RNF213: variants seen among roughly 807,000 people sequenced by gnomAD.
RNF213 encodes the protein ring finger protein 213, also known as E3 ubiquitin-protein ligase RNF213.
A neutral mutation model predicts 514.4 loss-of-function variants in RNF213; 341 were observed. That is an observed-to-expected ratio of 0.66 (90% CI 0.61 to 0.73). The LOEUF (loss-of-function observed/expected upper bound fraction) is 0.73, where lower values mean the gene tolerates loss of function less well. Among genes scored for constraint, RNF213 ranks in the 30% least tolerant of loss-of-function variants. The probability of loss-of-function intolerance (pLI) is 0.00; values close to 1 mark genes in which losing one functional copy is unlikely to be tolerated. For synonymous variants in RNF213, 2,655 were observed against 2,658.2 expected (o/e 1.00, Z 0.04); for missense variants, 5,767 against 6,615.6 (o/e 0.87, Z 4.45).
chr17:80,300,338 C>T lies in RNF213; in HGVS notation c.2210+1820C>T, dbSNP rs149718951. ...GGAGTGCAGTGGTGTGATCTCAGCT[C>T]ACTGCAGCCTCTGCCTCCTCGGCAC... is the stretch of plus-strand genomic sequence containing the variant. On this transcript the variant is annotated intron_variant, in intron 11 of 67. Coordinates refer to ENST00000582970, the MANE Select transcript of RNF213 (RefSeq NM_001256071.3). Among the ~76,000 whole-genome samples the T allele has an allele frequency of 3.9e-3, 589 of 151,916 alleles. 4 individuals are homozygous for T. Among genetic ancestry groups the T allele is most frequent in the African/African-American group, 0.014 (562 of 41,430 alleles).
At chr17:80,315,387 A>G (rs149295002) in intron 15 of RNF213, among the ~76,000 whole-genome samples, 22 of 360 alleles carry the variant, frequency 0.061, 6 homozygotes, top group Admixed American at 0.32. Context: ...AATGGAGGTG[A>G]TGGTGGTGGT....
rs1249035482 is a variant in RNF213, at chr17:80,352,959, C to T, written c.10323C>T (p.His3441=). Residue 3441 remains histidine, a synonymous_variant, in exon 33 of 68, where the codon CAC becomes CAT. Transcript: ENST00000582970. ...GFHGGLWQSV[H]IDDLRRSTLM... ...TCACAGGGCTGTGGCAGTCTGTCCA[C>T]ATCGATGACCTCCGGAGATCCACCC... The T allele has an allele frequency of 2.5e-6, 4 of 1,613,924 alleles. No individual in the cohort carries two copies. The South Asian group carries it at 3.3e-5, about 13-fold the overall frequency.
In RNF213 at chr17:80,361,814, C is replaced by G; in HGVS notation, c.11281C>G (p.Gln3761Glu). The change falls in exon 39 of 68, where the codon CAG (glutamine) becomes GAG (glutamate). Residue 3761 changes from glutamine to glutamate, a missense_variant. Physicochemically the swap from Gln to Glu is conservative, Grantham distance 29. Coordinates refer to ENST00000582970, the MANE Select transcript of RNF213 (RefSeq NM_001256071.3). ...TGCCCAGCTCCATGGAGAGCCGCAG[C>G]AGGAACTTCTTCAGTGTTACTTGAA... ...FLAQLHGEPQQELLQCYLKDF... is the reference protein window; with the variant it reads ...FLAQLHGEPQEELLQCYLKDF... 6.2e-7 allele frequency: 1 copy of G among 1,614,100 alleles called. No homozygotes were observed. Among genetic ancestry groups the G allele is most frequent in the Non-Finnish European group, 8.5e-7 (1 of 1,179,944 alleles).
In RNF213 at chr17:80,318,432, A is replaced by C. The variant is rs186643053; in HGVS notation, c.2902-758A>C. On this transcript the variant is annotated intron_variant, in intron 16 of 67. Transcript: ENST00000582970. ...GGCACAGGAGGGGCCAGGCCTGCCC[A>C]TAGGCAGGAAGTCTAAGTGGCCTGT... Among the ~76,000 whole-genome samples the C allele has an allele frequency of 6.6e-3, 1,003 of 152,258 alleles. 16 individuals carry two copies. The highest frequency in any genetic ancestry group is 0.023 in the African/African-American group (941 of 41,556).
rs8070337 is a variant in RNF213, at chr17:80,282,990, G to A, written c.262-4825G>A. ...TGGGATTACAGGTGTGAGCCACCAC[G>A]CCTGGCCTGATTCAATATTTTAATG... is the stretch of plus-strand genomic sequence containing the variant. On this transcript the variant is annotated intron_variant, in intron 3 of 67. Coordinates refer to ENST00000582970, the MANE Select transcript of RNF213 (RefSeq NM_001256071.3). 4.1e-3 allele frequency among the ~76,000 whole-genome samples: 620 copies of A among 152,266 alleles called. 5 individuals carry two copies. The highest frequency in any genetic ancestry group is 0.014 in the African/African-American group (578 of 41,566).
intron 17 of RNF213, chr17:80,319,519 T>A (rs2143830019): frequency 6.2e-7 from 1 of 1,613,358 alleles, no homozygotes; most frequent in South Asian, 1.1e-5. Flanking sequence ...CAGTCCCTGC[T>A]GCTCGCACCA....
intron 11 of RNF213, among the ~76,000 whole-genome samples, chr17:80,305,291 G>A (rs550479826): frequency 2.7e-5 from 4 of 150,318 alleles, no homozygotes; most frequent in African/African-American, 5.0e-5. Flanking sequence ...TGATTCTCCT[G>A]CCTCAGCCTC....
Position 80,390,025 on chromosome 17 carries a change from A to G in RNF213, c.15299A>G (p.Glu5100Gly). 6.2e-7 allele frequency: 1 copy of G among 1,614,194 alleles called. No homozygotes were observed. Among genetic ancestry groups the G allele is most frequent in the Non-Finnish European group, 8.5e-7 (1 of 1,180,026 alleles). The change falls in exon 67 of 68, where the codon GAA becomes GGA. Residue 5100 changes from glutamate to glycine, a missense_variant. Glu to Gly is a moderately conservative substitution (Grantham distance 98). Transcript: ENST00000582970. ...LLRLHKEPFG[E>G]ISSRYKADLS... is the part of the protein sequence containing the mutation. ...CCGTCGTTTTAGGAGCCATTTGGGG[A>G]AATCAGTTCAAGGTACAAAGCGGAT...
Position 80,377,879 on chromosome 17 carries a change from G to A in RNF213, c.13545+83G>A. 1 of 1,489,362 alleles carries A rather than the reference G, an allele frequency of 6.7e-7. No homozygotes were observed. The highest frequency in any genetic ancestry group is 9.4e-7 in the Non-Finnish European group (1 of 1,067,162). 92.3% of individuals were successfully genotyped at this position (1,489,362 alleles called of 1,614,324 possible). On this transcript the variant is annotated intron_variant, in intron 54 of 67. Coordinates refer to ENST00000582970, the MANE Select transcript of RNF213 (RefSeq NM_001256071.3). The surrounding 1 kb of genome is among the most constrained non-coding windows in gnomAD (Gnocchi z 4.1). ...GAGGGGGATCGTGGGTCAGGAGAGT[G>A]AGGCTCTCGGCCTTCCAGGAGAGCA... is the stretch of plus-strand genomic sequence containing the variant.
At chr17:80,385,320 G>A in intron 60 of RNF213, 149 bp downstream of exon 60, 3 of 1,095,512 alleles carry the variant, frequency 2.7e-6, no homozygotes, top group South Asian at 2.6e-5. Flanking sequence ...AAGGGTGCTT[G>A]AACCCCAAAA....
intron 2 of RNF213, among the ~76,000 whole-genome samples, chr17:80,270,361 T>A (rs891463293): frequency 6.6e-6 from 1 of 152,228 alleles, no homozygotes; most frequent in African/African-American, 2.4e-5. Flanking sequence ...GCTGGCCGTC[T>A]GGAGGACAGA....
At chr17:80,386,467 A>T in intron 62 of RNF213, 37 bp downstream of exon 62, 1 of 1,608,816 alleles carries the variant, frequency 6.2e-7, no homozygotes. Flanking sequence ...GTGCCTGCTC[A>T]GCCCAGAGTC....
chr17:80,271,584 G>A (rs918908036), intron 2 of RNF213, among the ~76,000 whole-genome samples: 3 of 152,252 alleles, frequency 2.0e-5, no homozygotes, highest in Non-Finnish European at 2.9e-5. Context: ...GTGTGTCAGG[G>A]AGAGGTGGGG....
At chr17:80,386,102 C>T in intron 61 of RNF213, 148 bp from the exon 62 acceptor site, 1 of 719,456 alleles carries the variant, frequency 1.4e-6, no homozygotes, top group Non-Finnish European at 2.4e-6. Flanking sequence ...GCATTTGAAA[C>T]TCTATCAGCA....
chr17:80,315,302 A>G (rs1430148729), intron 15 of RNF213, among the ~76,000 whole-genome samples: 3 of 16,192 alleles, frequency 1.9e-4, no homozygotes, highest in East Asian at 2.4e-3. Flanking sequence ...TGGTGGAGGT[A>G]ATGGAGGTGA....
intron 49 of RNF213, among the ~76,000 whole-genome samples, chr17:80,374,024 AG>A (rs1568152720): frequency 2.6e-5 from 4 of 151,256 alleles, no homozygotes; most frequent in East Asian, 3.9e-4. Context: ...AAAAAAAAAA[AG>A]AGGCTTCAAG....
chr17:80,370,938 C>G (rs1304778202), intron 46 of RNF213, among the ~76,000 whole-genome samples: 2 of 152,136 alleles, frequency 1.3e-5, no homozygotes, highest in East Asian at 3.9e-4. Context: ...ATATTCTCCA[C>G]TATGAGCTTG....
At position 80,371,868 on chromosome 17, in the gene RNF213, C is replaced by T. The variant is rs373409901; in HGVS notation, c.12426-6C>T. The T allele has an allele frequency of 7.4e-7, 1 of 1,351,396 alleles. No individual in the cohort carries two copies. Among genetic ancestry groups the T allele is most frequent in the South Asian group, 1.2e-5 (1 of 85,348 alleles). The allele number at this position is 1,351,396 out of a possible 1,614,324, so 83.7% of individuals were successfully genotyped here. The stretch of plus-strand genomic sequence containing the variant: ...AGAACCAGGAATAATATTTCTCTTT[C>T]TGCAGCTTTCATGATGTAAAAGATT... On this transcript the variant is annotated splice_polypyrimidine_tract_variant and splice_region_variant and intron_variant, in intron 46 of 67. Coordinates refer to ENST00000582970, the MANE Select transcript of RNF213 (RefSeq NM_001256071.3).
chr17:80,307,020 A>G, intron 12 of RNF213, 108 bp from the exon 13 acceptor site: 1 of 1,071,886 alleles, frequency 9.3e-7, no homozygotes, highest in Non-Finnish European at 1.5e-6. Context: ...TAGGAAGAAA[A>G]CAATGTATAC....
Sources: allele counts gnomAD v4.1 joint callset (sites outside exome capture counted in the v4.1 genomes callset), GRCh38; gene constraint gnomAD v4.1.1; non-coding constraint Gnocchi (gnomAD v3.1); transcripts MANE v1.5; gene names NCBI Gene and HGNC (gene_info 2026-07-23, HGNC 2026-07-21).